AGBL4: variants seen among roughly 807,000 people sequenced by gnomAD.
AGBL4 encodes cytosolic carboxypeptidase 6.
AGBL4 carries 58 observed loss-of-function variants against 66.4 expected under a neutral mutation model. The observed-to-expected ratio is 0.87, with a 90% CI of 0.71 to 1.09. The LOEUF (loss-of-function observed/expected upper bound fraction) is 1.09, where lower values mean the gene tolerates loss of function less well. Among genes scored for constraint, AGBL4 ranks in the 50% least tolerant of loss-of-function variants. The pLI is 0.00. For missense variants in AGBL4, 579 were observed against 631.0 expected (o/e 0.92, Z 0.88); for synonymous variants, 234 against 222.9 (o/e 1.05, Z -0.44).
At chr1:48,542,753 G>C (rs762201496) in intron 11 of AGBL4, among the ~76,000 whole-genome samples, 9 of 152,094 alleles carry the variant, frequency 5.9e-5, no homozygotes, top group Non-Finnish European at 1.2e-4. Context: ...TTGTCAGATG[G>C]AGAGATTGCA....
intron 2 of AGBL4, among the ~76,000 whole-genome samples, chr1:49,720,167 T>C (rs1648490386): frequency 6.6e-6 from 1 of 151,964 alleles, no homozygotes; most frequent in Non-Finnish European, 1.5e-5. Flanking sequence ...GCATCCCAAA[T>C]ATAAAAATGC....
At chr1:48,568,566 T>C (rs1299869048) in intron 11 of AGBL4, among the ~76,000 whole-genome samples, 3 of 152,176 alleles carry the variant, frequency 2.0e-5, no homozygotes, top group Admixed American at 1.3e-4. Flanking sequence ...TCCATTAGTG[T>C]CCCTTTGGCC....
chr1:49,834,387 T>A (rs1403563037), intron 2 of AGBL4, among the ~76,000 whole-genome samples: 1 of 152,240 alleles, frequency 6.6e-6, no homozygotes, highest in Non-Finnish European at 1.5e-5. Flanking sequence ...TTTATGGTAT[T>A]CTCAGATGGT....
At chr1:49,905,200 A>G (rs1650156972) in intron 1 of AGBL4, among the ~76,000 whole-genome samples, 1 of 152,192 alleles carries the variant, frequency 6.6e-6, no homozygotes, top group African/African-American at 2.4e-5. Flanking sequence ...TAATATTTTT[A>G]GAAACAAATT....
At chr1:49,080,618 A>G (rs1644792794) in intron 4 of AGBL4, among the ~76,000 whole-genome samples, 3 of 151,466 alleles carry the variant, frequency 2.0e-5, no homozygotes, top group Admixed American at 2.0e-4. Flanking sequence ...GATAATGAAA[A>G]AAGTTAGAGA....
chr1:48,818,241 TA>T (rs2148766673), intron 6 of AGBL4: 1 of 717,478 alleles, frequency 1.4e-6, no homozygotes, highest in East Asian at 2.7e-5. Context: ...ATTAGTTAAT[TA>T]CAAAGGCTGT....
At chr1:49,290,238 T>G (rs892914011) in intron 3 of AGBL4, among the ~76,000 whole-genome samples, 6 of 152,224 alleles carry the variant, frequency 3.9e-5, no homozygotes, top group Non-Finnish European at 8.8e-5. Flanking sequence ...GCAGATTGAC[T>G]ATAGATCCAC....
At chr1:48,652,210 A>G (rs886248554) in intron 8 of AGBL4, among the ~76,000 whole-genome samples, 2 of 152,312 alleles carry the variant, frequency 1.3e-5, no homozygotes, top group African/African-American at 4.8e-5. Flanking sequence ...TCAAACAAAT[A>G]AACAAATACA....
At chr1:49,669,827 C>T (rs927276642) in intron 3 of AGBL4, among the ~76,000 whole-genome samples, 2 of 151,866 alleles carry the variant, frequency 1.3e-5, no homozygotes, top group Non-Finnish European at 2.9e-5. Context: ...ATATATTGCT[C>T]AGATCTATAC....
intron 3 of AGBL4, among the ~76,000 whole-genome samples, chr1:49,659,888 GC>G (rs1646233249): frequency 6.6e-6 from 1 of 152,094 alleles, no homozygotes; most frequent in Admixed American, 6.6e-5. Context: ...CTCAGCAAAT[GC>G]AAGGCTACAG....
At chr1:49,359,854 C>T (rs1330477565) in intron 3 of AGBL4, among the ~76,000 whole-genome samples, 1 of 152,138 alleles carries the variant, frequency 6.6e-6, no homozygotes, top group Admixed American at 6.5e-5. Context: ...AGGTAACCAA[C>T]TATCCTGGTT....
intron 6 of AGBL4, among the ~76,000 whole-genome samples, chr1:48,695,337 C>T (rs752766476): frequency 5.3e-5 from 8 of 152,164 alleles, no homozygotes; most frequent in South Asian, 2.1e-4. Context: ...GAGCTGGGGC[C>T]GCACAAGCTG....
At chr1:48,871,194 A>T (rs1368735693) in intron 5 of AGBL4, among the ~76,000 whole-genome samples, 1 of 152,148 alleles carries the variant, frequency 6.6e-6, no homozygotes, top group African/African-American at 2.4e-5. Flanking sequence ...ACTGAGAGAG[A>T]TAAGAGCCTT....
At chr1:49,883,377 C>G (rs918539438) in intron 1 of AGBL4, among the ~76,000 whole-genome samples, 1 of 152,058 alleles carries the variant, frequency 6.6e-6, no homozygotes, top group East Asian at 1.9e-4. Context: ...TATCTGACTT[C>G]CCCAAGCAAA....
chr1:49,406,049 T>C (rs1333834850), intron 3 of AGBL4, among the ~76,000 whole-genome samples: 2 of 152,168 alleles, frequency 1.3e-5, no homozygotes, highest in African/African-American at 4.8e-5. Flanking sequence ...CCAAACAATC[T>C]TAACATAGCA....
At chr1:49,955,073 C>T (rs1266120122) in intron 1 of AGBL4, among the ~76,000 whole-genome samples, 5 of 151,858 alleles carry the variant, frequency 3.3e-5, no homozygotes, top group African/African-American at 1.2e-4. Flanking sequence ...TTTATTATTA[C>T]ATATAAGAGT....
At position 49,491,524 on chromosome 1, in the gene AGBL4, T is replaced by C. The variant is rs183232501; in HGVS notation, c.282+205789A>G. 3.9e-5 allele frequency among the ~76,000 whole-genome samples: 6 copies of C among 151,980 alleles called. No individual in the cohort carries two copies. In the East Asian group the frequency reaches 9.7e-4, roughly 25 times the overall value. On this transcript the variant is annotated intron_variant, in intron 3 of 13. Transcript: ENST00000371839. ...CCTTAGTTCTTGACACATAAAAAGT[T>C]TAAGTCATTTATCTTTTCCAAAAGG...
chr1:49,092,939 T>C (rs554519567), intron 4 of AGBL4, among the ~76,000 whole-genome samples: 2 of 152,216 alleles, frequency 1.3e-5, no homozygotes, highest in Non-Finnish European at 2.9e-5. Flanking sequence ...AGATGACCTT[T>C]AGGTTTTGGT....
intron 4 of AGBL4, among the ~76,000 whole-genome samples, chr1:49,133,218 C>G (rs1342908116): frequency 6.6e-6 from 1 of 151,970 alleles, no homozygotes; most frequent in Admixed American, 6.6e-5. Flanking sequence ...GAGGGGAACA[C>G]CACACACTGG....
Sources: allele counts gnomAD v4.1 joint callset (sites outside exome capture counted in the v4.1 genomes callset), GRCh38; gene constraint gnomAD v4.1.1; transcripts MANE v1.5; gene names NCBI Gene and HGNC (gene_info 2026-07-23, HGNC 2026-07-21).